The following TRAT1 variants were observed in gnomAD, a reference collection of about 807,000 sequenced individuals.
TRAT1 encodes the protein T cell receptor associated transmembrane adaptor 1, also known as T-cell receptor-associated transmembrane adapter 1.
TRAT1 carries 20 observed loss-of-function variants against 20.0 expected under a neutral mutation model. The ratio of observed to expected loss-of-function variants is 1.00; its 90% CI spans 0.70 to 1.45. The LOEUF is 1.45. Ranked by LOEUF, TRAT1 falls within the 40% of genes most tolerant of loss-of-function variation. The pLI is 0.00. For missense variants in TRAT1, 237 were observed against 224.1 expected (o/e 1.06, Z -0.37); for synonymous variants, 77 against 74.2 (o/e 1.04, Z -0.20).
At chr3:108,836,048 T>A (rs1945837859) in intron 2 of TRAT1, among the ~76,000 whole-genome samples, 1 of 152,068 alleles carries the variant, frequency 6.6e-6, no homozygotes, top group Non-Finnish European at 1.5e-5. Context: ...GCCTCCCGAG[T>A]AGCTGGGACT....
chr3:108,845,052 C>A (rs1945929904), intron 3 of TRAT1, among the ~76,000 whole-genome samples: 1 of 151,990 alleles, frequency 6.6e-6, no homozygotes, highest in African/African-American at 2.4e-5. Context: ...ACTAGCCTCT[C>A]AGATATGAGT....
Position 108,822,853 on chromosome 3 carries a change from A to T in TRAT1, c.-75A>T. 1.4e-6 allele frequency: 2 copies of T among 1,390,838 alleles called. No individual in the cohort carries two copies. The highest frequency in any genetic ancestry group is 2.0e-6 in the Non-Finnish European group (2 of 985,034). 86.2% of individuals were successfully genotyped at this position (1,390,838 alleles called of 1,614,324 possible). ...ATAACAGAGCAACATCACCTAGGAA[A>T]AAAGTTTGTAGGAGGATTTTTAATC... On this transcript the variant is annotated 5_prime_UTR_variant, in exon 1 of 6. Transcript: ENST00000295756.
At chr3:108,837,857 A>C (rs2107510690) in intron 2 of TRAT1, among the ~76,000 whole-genome samples, 1 of 152,292 alleles carries the variant, frequency 6.6e-6, no homozygotes, top group Non-Finnish European at 1.5e-5. Context: ...CTGTACCCTG[A>C]TTATCCCTTA....
chr3:108,842,217 G>T (rs1053924105), intron 3 of TRAT1, among the ~76,000 whole-genome samples: 1 of 152,166 alleles, frequency 6.6e-6, no homozygotes, highest in Non-Finnish European at 1.5e-5. Flanking sequence ...AACTGCTTCT[G>T]GGGGACACTG....
chr3:108,833,085 T>C (rs898915038), intron 2 of TRAT1, among the ~76,000 whole-genome samples: 1 of 152,208 alleles, frequency 6.6e-6, no homozygotes, highest in African/African-American at 2.4e-5. Flanking sequence ...CTTACTATGG[T>C]AATTTGACCA....
At chr3:108,836,111 G>A (rs1945839197) in intron 2 of TRAT1, among the ~76,000 whole-genome samples, 1 of 151,772 alleles carries the variant, frequency 6.6e-6, no homozygotes, top group African/African-American at 2.4e-5. Context: ...GTAGAGATGG[G>A]GTTTCACCAT....
At chr3:108,827,620 T>G (rs1170458649) in intron 1 of TRAT1, among the ~76,000 whole-genome samples, 9 of 152,226 alleles carry the variant, frequency 5.9e-5, no homozygotes, top group Admixed American at 3.9e-4. Context: ...TATGTATTAT[T>G]TTTAAAAACT....
chr3:108,834,177 T>C (rs1008198559), intron 2 of TRAT1, among the ~76,000 whole-genome samples: 4 of 152,066 alleles, frequency 2.6e-5, no homozygotes, highest in Non-Finnish European at 5.9e-5. Flanking sequence ...TTTCAGAGAG[T>C]TTTCTGTAGA....
At chr3:108,838,612 T>G (rs1375338985) in intron 2 of TRAT1, among the ~76,000 whole-genome samples, 2 of 152,176 alleles carry the variant, frequency 1.3e-5, no homozygotes, top group African/African-American at 2.4e-5. Flanking sequence ...CTCTGCTTAG[T>G]GTTTCTGTGC....
At chr3:108,835,924 TA>T (rs1945836113) in intron 2 of TRAT1, among the ~76,000 whole-genome samples, 1 of 53,362 alleles carries the variant, frequency 1.9e-5, no homozygotes, top group African/African-American at 4.8e-5. Flanking sequence ...TTTATTTATT[TA>T]TTTATTTATT....
chr3:108,840,645 C>A (rs992777064), intron 3 of TRAT1, among the ~76,000 whole-genome samples: 1 of 152,024 alleles, frequency 6.6e-6, no homozygotes, highest in Non-Finnish European at 1.5e-5. Context: ...ATTACCAATC[C>A]CAAGGGAGGA....
chr3:108,828,525 A>G (rs776717277), intron 1 of TRAT1, among the ~76,000 whole-genome samples: 1 of 152,178 alleles, frequency 6.6e-6, no homozygotes, highest in African/African-American at 2.4e-5. Flanking sequence ...CACATGGGAT[A>G]TAATAGCAAA....
At chr3:108,852,507 G>A (rs1000465363) in intron 5 of TRAT1, among the ~76,000 whole-genome samples, 11 of 152,236 alleles carry the variant, frequency 7.2e-5, no homozygotes, top group Non-Finnish European at 1.2e-4. Context: ...AAGTGCCAAC[G>A]GGGAGATGCT....
Position 108,853,733 on chromosome 3 carries a change from A to T in TRAT1, c.417A>T (p.Gln139His). ...THFSDKDGDEQLHAIDASVSK... is the reference protein window; with the variant it reads ...THFSDKDGDEHLHAIDASVSK... Reference sequence around the variant, plus strand: ...TCTCAGACAAGGATGGAGATGAGCAACTACATGCAATAGATGCCAGCGTTT... The same window carrying T: ...TCTCAGACAAGGATGGAGATGAGCATCTACATGCAATAGATGCCAGCGTTT... Residue 139 changes from glutamine to histidine, a missense_variant, in exon 6 of 6, where the codon CAA becomes CAT. By Grantham distance (24) the Gln-to-His change is conservative (BLOSUM62 0). Transcript: ENST00000295756. 6.2e-7 allele frequency: 1 copy of T among 1,614,170 alleles called. No individual in the cohort carries two copies. The highest frequency in any genetic ancestry group is 8.5e-7 in the Non-Finnish European group (1 of 1,180,008).
At chr3:108,848,440 CTA>C (rs1945967192) in intron 4 of TRAT1, among the ~76,000 whole-genome samples, 1 of 152,208 alleles carries the variant, frequency 6.6e-6, no homozygotes. Flanking sequence ...ACTGGCCATC[CTA>C]TGAGTCACTA....
chr3:108,823,829 T>C (rs968590938), intron 1 of TRAT1, among the ~76,000 whole-genome samples: 2 of 152,152 alleles, frequency 1.3e-5, no homozygotes, highest in Non-Finnish European at 2.9e-5. Flanking sequence ...AGTTATAGTT[T>C]AGTCATTTGT....
chr3:108,823,241 G>A (rs1056440957), intron 1 of TRAT1, among the ~76,000 whole-genome samples: 8 of 152,186 alleles, frequency 5.3e-5, no homozygotes, highest in Admixed American at 3.3e-4. Flanking sequence ...TTGACTATGT[G>A]TATTCCTCTT....
chr3:108,844,572 C>T (rs1345268145), intron 3 of TRAT1, among the ~76,000 whole-genome samples: 1 of 151,306 alleles, frequency 6.6e-6, no homozygotes, highest in Non-Finnish European at 1.5e-5. Flanking sequence ...TGGCCAGGCA[C>T]AGTGGCTCAC....
chr3:108,847,204 T>C, intron 4 of TRAT1, 75 bp downstream of exon 4: 1 of 886,230 alleles, frequency 1.1e-6, no homozygotes, highest in East Asian at 2.6e-5. Flanking sequence ...AGTGGCGCTT[T>C]AAAAAAATCA....
Sources: gnomAD v4.1 joint callset for allele counts (sites outside exome capture counted in the v4.1 genomes callset) on GRCh38, gnomAD v4.1.1 for gene constraint, MANE v1.5 for transcripts, NCBI Gene and HGNC (gene_info 2026-07-23, HGNC 2026-07-21) for gene names.